Variants in HERC2 observed in about 807,000 individuals in gnomAD.
HERC2 encodes the protein HECT and RLD domain containing E3 ubiquitin protein ligase 2, also known as E3 ubiquitin-protein ligase HERC2.
In HERC2, 102 loss-of-function variants were observed where a neutral mutation model predicts 537.7. That is an observed-to-expected ratio of 0.19 (90% CI 0.16 to 0.22). The LOEUF (loss-of-function observed/expected upper bound fraction) is 0.22, where lower values mean the gene tolerates loss of function less well. Among genes scored for constraint, HERC2 ranks in the 10% least tolerant of loss-of-function variants. HERC2 has a pLI of 1.00. For missense variants in HERC2, 4,236 were observed against 6,198.2 expected (o/e 0.68, Z 10.63); for synonymous variants, 2,224 against 2,466.2 (o/e 0.90, Z 2.91).
chr15:28,125,865 C>A (rs1227301976), intron 83 of HERC2, among the ~76,000 whole-genome samples: 2 of 152,166 alleles, frequency 1.3e-5, no homozygotes, highest in Admixed American at 6.5e-5. Flanking sequence ...GGCTGGAATG[C>A]AGTGGTGCGA....
At chr15:28,246,650 T>C (rs1596316564) in intron 22 of HERC2, 92 bp downstream of exon 22, 3 of 1,114,628 alleles carry the variant, frequency 2.7e-6, no homozygotes, top group Non-Finnish European at 2.5e-6. Context: ...ATTTAGAGAG[T>C]AAATGCAGGC....
intron 52 of HERC2, 76 bp from the exon 53 acceptor site, chr15:28,192,227 A>G (rs1295952324): frequency 1.5e-5 from 19 of 1,233,832 alleles, no homozygotes; most frequent in Non-Finnish European, 2.1e-5. Flanking sequence ...AATATTACAT[A>G]GTAAGGAGCT....
chr15:28,202,300 A>T (rs2140343881), intron 46 of HERC2, 47 bp downstream of exon 46: 1 of 1,613,054 alleles, frequency 6.2e-7, no homozygotes, highest in East Asian at 2.2e-5. Context: ...ACAGCCCTGA[A>T]GCGGGAACCC....
rs975545897 is a variant in HERC2 at position 28,163,355 on chromosome 15, C to A, written c.10555-70G>T. Reference sequence around the variant, plus strand: ...TAAGAGATAAAGAGTCACCAGTTTACCCATAAACTCAGAGAACACATGAAT... The same window carrying A: ...TAAGAGATAAAGAGTCACCAGTTTAACCATAAACTCAGAGAACACATGAAT... On this transcript the variant is annotated intron_variant, in intron 68 of 92. Transcript: ENST00000261609. The A allele has an allele frequency of 4.3e-6, 6 of 1,395,786 alleles. No individual in the cohort carries two copies. In the African/African-American group the frequency reaches 8.5e-5, roughly 20 times the overall value. 86.5% of individuals were successfully genotyped at this position (1,395,786 alleles called of 1,614,324 possible). A position where few individuals can be genotyped will look rare whatever the true frequency, so the allele number is the denominator to read the frequency against.
intron 3 of HERC2, among the ~76,000 whole-genome samples, chr15:28,294,188 A>C (rs2076398355): frequency 6.6e-6 from 1 of 152,182 alleles, no homozygotes; most frequent in Admixed American, 6.5e-5. Context: ...CAATTCTGAA[A>C]CTAACTACCT....
rs755081260 is a variant in HERC2, at chr15:28,141,801, C to T, written c.11746G>A (p.Asp3916Asn). 6.2e-7 allele frequency: 1 copy of T among 1,614,182 alleles called. No individual in the cohort carries two copies. Among genetic ancestry groups the T allele is most frequent in the East Asian group, 2.2e-5 (1 of 44,882 alleles). The part of the protein sequence containing the change: ...RELMADSENM[D>N]VLHESHDIFK... Reference sequence around the variant, plus strand: ...ATGTCATGGCTCTCATGCAGAACATCCATGTTTTCGCTGTCTGCCATTAAT... The same window carrying T: ...ATGTCATGGCTCTCATGCAGAACATTCATGTTTTCGCTGTCTGCCATTAAT... Residue 3916 changes from aspartate (D) to asparagine (N), a missense_variant, in exon 77 of 93, where the codon GAT becomes AAT. This residue lies in a region of HERC2 where 156 missense variants were observed against 172.3 expected (regional missense o/e 0.91). Transcript: ENST00000261609.
At position 28,229,064 on chromosome 15, in the gene HERC2, T is replaced by C. The variant is rs58255711; in HGVS notation, c.5272+131A>G. On this transcript the variant is annotated intron_variant, in intron 34 of 92. Coordinates refer to ENST00000261609, the MANE Select transcript of HERC2 (RefSeq NM_004667.6). ...AAATCTGAGAAAGCTGACAGCAGCA[T>C]AGATTATACAAGTACAAAGTACAAA... The C allele has an allele frequency of 5.1e-3, 4,433 of 872,162 alleles. 148 individuals carry two copies. The African/African-American group carries it at 0.065, about 13-fold the overall frequency. 54.0% of individuals were successfully genotyped at this position (872,162 alleles called of 1,614,324 possible).
At chr15:28,256,629 A>G (rs1339135305) in intron 17 of HERC2, among the ~76,000 whole-genome samples, 1 of 152,130 alleles carries the variant, frequency 6.6e-6, no homozygotes, top group African/African-American at 2.4e-5. Context: ...TAACAGCTAC[A>G]ACTCAACCAA....
intron 4 of HERC2, among the ~76,000 whole-genome samples, chr15:28,290,912 A>G (rs925400924): frequency 3.3e-5 from 5 of 152,220 alleles, no homozygotes; most frequent in Admixed American, 1.3e-4. Context: ...GAAACTAGGA[A>G]AGACAGAAGA....
chr15:28,190,043 C>T (rs1227408044), intron 55 of HERC2, among the ~76,000 whole-genome samples: 22 of 145,874 alleles, frequency 1.5e-4, no homozygotes, highest in African/African-American at 5.1e-4. Flanking sequence ...GAGTCTGGCT[C>T]TGTCGCCCAG....
intron 68 of HERC2, 72 bp downstream of exon 68, chr15:28,167,615 A>C: frequency 6.4e-7 from 1 of 1,565,324 alleles, no homozygotes; most frequent in East Asian, 2.2e-5. Context: ...TCCACTCCTA[A>C]GTTCTATTTC....
At chr15:28,133,687 T>G (rs1240969552) in intron 79 of HERC2, among the ~76,000 whole-genome samples, 1 of 152,242 alleles carries the variant, frequency 6.6e-6, no homozygotes, top group Non-Finnish European at 1.5e-5. Context: ...TCAAAACCAC[T>G]TGTTGAAAAT....
chr15:28,162,984 G>A lies in HERC2; in HGVS notation c.10746+110C>T. On this transcript the variant is annotated intron_variant, in intron 69 of 92. Transcript: ENST00000261609. Reference sequence around the variant, plus strand: ...CTCCTAACCTGCAGTCTACTAGGATGAAACCCAGCACAAGATCACCGGTGA... The same window carrying A: ...CTCCTAACCTGCAGTCTACTAGGATAAAACCCAGCACAAGATCACCGGTGA... The A allele has an allele frequency of 3.2e-6, 3 of 936,492 alleles. No homozygotes were observed. In the South Asian group the frequency reaches 4.7e-5, roughly 15 times the overall value. The allele number at this position is 936,492 out of a possible 1,614,324, so 58.0% of individuals were successfully genotyped here.
chr15:28,310,624 C>T (rs2076915688), intron 2 of HERC2, among the ~76,000 whole-genome samples: 1 of 152,100 alleles, frequency 6.6e-6, no homozygotes, highest in Non-Finnish European at 1.5e-5. Context: ...CAAACCCTAC[C>T]ACAATGCACA....
rs1200864245 is a variant in HERC2 at position 28,176,980 on chromosome 15, C to T, written c.9402G>A (p.Gly3134=). The T allele has an allele frequency of 6.2e-7, 1 of 1,613,930 alleles. No homozygotes were observed. The highest frequency in any genetic ancestry group is 8.5e-7 in the Non-Finnish European group (1 of 1,179,888). ...TGGGCTTTAGCTGTGTCGTATTATC[C>T]CCATGTCCCAGCCGGCCGTACTCGC... ...GLGEYGRLGH[G]DNTTQLKPKM... The change falls in exon 61 of 93, where the codon GGG becomes GGA. Residue 3134 remains glycine, a synonymous_variant. Coordinates refer to ENST00000261609, the MANE Select transcript of HERC2 (RefSeq NM_004667.6). The surrounding 1 kb of genome is among the most constrained non-coding windows in gnomAD (Gnocchi z 5.0).
intron 2 of HERC2, among the ~76,000 whole-genome samples, chr15:28,312,383 A>G (rs2076970748): frequency 6.6e-6 from 1 of 152,304 alleles, no homozygotes; most frequent in Non-Finnish European, 1.5e-5. Context: ...CCGTAATCCC[A>G]GAGCTTTGGG....
chr15:28,214,251 C>T lies in HERC2; in HGVS notation c.6380G>A (p.Arg2127Lys). 5.0e-6 allele frequency: 8 copies of T among 1,611,574 alleles called. No individual in the cohort carries two copies. Among genetic ancestry groups the T allele is most frequent in the Non-Finnish European group, 6.8e-6 (8 of 1,179,598 alleles). The change falls in exon 41 of 93, where the codon AGG becomes AAG. Residue 2127 changes from arginine to lysine, a missense_variant. This residue lies in a region of HERC2 where 365 missense variants were observed against 468.8 expected (regional missense o/e 0.78). Coordinates refer to ENST00000261609, the MANE Select transcript of HERC2 (RefSeq NM_004667.6). ...LLRESTLRRR[R>K]VRPQASLTAT... ...AGTCAGCGAGGCCTGCGGGCGCACC[C>T]TGCGCCGCCTCAGCGTGGACTCTGA...
At chr15:28,258,823 T>G (rs947690030) in intron 16 of HERC2, among the ~76,000 whole-genome samples, 1 of 151,514 alleles carries the variant, frequency 6.6e-6, no homozygotes, top group Non-Finnish European at 1.5e-5. Flanking sequence ...TCAACAAAAT[T>G]GAAAAACTCT....
Position 28,117,083 on chromosome 15 carries a change from A to C in HERC2, c.13344T>G (p.Cys4448Trp). 1 of 1,614,132 alleles carries C rather than the reference A, an allele frequency of 6.2e-7. No individual in the cohort carries two copies. The highest frequency in any genetic ancestry group is 1.1e-5 in the South Asian group (1 of 91,082). ...CGGGACCAAACGAGCTCATCTTAGC[A>C]CACATCTGCCCAAAGACAGACTTGG... is the stretch of plus-strand genomic sequence containing the variant. Reference protein sequence around the residue: ...DGTKSVFGQMCAKMSSFGPDS... With the variant: ...DGTKSVFGQMWAKMSSFGPDS... Residue 4448 changes from cysteine to tryptophan, a missense_variant, in exon 87 of 93, where the codon TGT (cysteine) becomes TGG (tryptophan). Cys to Trp is a radical substitution (Grantham distance 215). This residue lies in a region of HERC2 where 29 missense variants were observed against 102.1 expected (regional missense o/e 0.28). Transcript: ENST00000261609.
Sources: allele counts gnomAD v4.1 joint callset (sites outside exome capture counted in the v4.1 genomes callset), GRCh38; gene constraint gnomAD v4.1.1; regional missense constraint gnomAD v4.1.1; non-coding constraint Gnocchi (gnomAD v3.1); transcripts MANE v1.5; gene names NCBI Gene and HGNC (gene_info 2026-07-23, HGNC 2026-07-21).